Variants in PPA1 observed in about 807,000 individuals in gnomAD.
PPA1 encodes the protein inorganic pyrophosphatase 1.
In PPA1, 23 loss-of-function variants were observed where a neutral mutation model predicts 41.8. The observed-to-expected ratio is 0.55, with a 90% confidence interval of 0.40 to 0.78. The LOEUF (loss-of-function observed/expected upper bound fraction) is 0.78. Ranked by LOEUF, PPA1 falls within the 30% of genes least tolerant of loss-of-function variation. The pLI is 0.00. For synonymous variants in PPA1, 101 were observed against 116.8 expected (o/e 0.86, Z 0.87); for missense variants, 320 against 361.6 (o/e 0.89, Z 0.93).
chr10:70,203,245 T>A, intron 10 of PPA1, 59 bp from the exon 11 acceptor site: 1 of 1,393,548 alleles, frequency 7.2e-7, no homozygotes, highest in Non-Finnish European at 1.0e-6. Flanking sequence ...AAAATACACC[T>A]AACATATAAC....
At chr10:70,217,399 G>C (rs1273710079) in intron 4 of PPA1, among the ~76,000 whole-genome samples, 1 of 152,140 alleles carries the variant, frequency 6.6e-6, no homozygotes, top group Non-Finnish European at 1.5e-5. Context: ...CAAGGAGAAA[G>C]AAAGGGAGGC....
intron 2 of PPA1, 85 bp downstream of exon 2, chr10:70,230,256 T>C: frequency 1.4e-6 from 2 of 1,478,436 alleles, no homozygotes; most frequent in Non-Finnish European, 1.9e-6. Flanking sequence ...TTTTAAGCAC[T>C]TGTTGAGAGA....
At chr10:70,222,981 C>T (rs1840192001) in intron 2 of PPA1, among the ~76,000 whole-genome samples, 1 of 151,992 alleles carries the variant, frequency 6.6e-6, no homozygotes, top group African/African-American at 2.4e-5. Flanking sequence ...TGGTTTCCAG[C>T]TTCATCCATG....
intron 1 of PPA1, 148 bp downstream of exon 1, chr10:70,233,116 A>G: frequency 2.3e-6 from 2 of 878,356 alleles, no homozygotes; most frequent in Non-Finnish European, 3.2e-6. Flanking sequence ...ATGCAATGTG[A>G]GGCCGGCCAG....
intron 2 of PPA1, among the ~76,000 whole-genome samples, chr10:70,220,253 CTTTTT>C (rs33951004): frequency 2.5e-5 from 3 of 119,908 alleles, no homozygotes; most frequent in Non-Finnish European, 5.1e-5. Context: ...ATAAAAAGTA[CTTTTT>C]TTTTTTTTTT....
chr10:70,218,045 T>C, intron 3 of PPA1, 114 bp from the exon 4 acceptor site: 5 of 981,502 alleles, frequency 5.1e-6, no homozygotes, highest in Non-Finnish European at 7.1e-6. Context: ...TTTAATGATA[T>C]ATTTTATCCC....
chr10:70,217,686 C>T, intron 4 of PPA1, 126 bp downstream of exon 4: 3 of 765,118 alleles, frequency 3.9e-6, no homozygotes, highest in Non-Finnish European at 5.8e-6. Flanking sequence ...ATTATCCCTT[C>T]TTATGTTTTC....
chr10:70,223,004 A>T (rs1226269119), intron 2 of PPA1, among the ~76,000 whole-genome samples: 2 of 152,048 alleles, frequency 1.3e-5, no homozygotes, highest in Non-Finnish European at 2.9e-5. Context: ...CCTACAAAGG[A>T]CATGAACTCA....
chr10:70,207,993 C>T (rs1329409227), intron 8 of PPA1, among the ~76,000 whole-genome samples: 1 of 152,004 alleles, frequency 6.6e-6, no homozygotes, highest in East Asian at 1.9e-4. Context: ...GGTTCGAGAC[C>T]AGCCTGGTTA....
At chr10:70,214,479 A>G in intron 5 of PPA1, 21 bp downstream of exon 5, 1 of 1,596,212 alleles carries the variant, frequency 6.3e-7, no homozygotes. Context: ...CACTAAAGAA[A>G]AAAATGTCAC....
intron 8 of PPA1, 92 bp downstream of exon 8, chr10:70,209,113 G>T: frequency 1.1e-6 from 1 of 880,326 alleles, no homozygotes; most frequent in Non-Finnish European, 1.7e-6. Context: ...TTTTCTAAGT[G>T]AAAGTAACAG....
intron 10 of PPA1, chr10:70,203,521 A>C: frequency 4.4e-6 from 1 of 227,182 alleles, no homozygotes; most frequent in South Asian, 6.8e-5. Context: ...CTCGTGCCTC[A>C]GTCTCCCCAG....
chr10:70,216,028 GT>G (rs1190777824), intron 4 of PPA1, among the ~76,000 whole-genome samples: 9 of 152,134 alleles, frequency 5.9e-5, no homozygotes, highest in Non-Finnish European at 1.5e-5. Context: ...AGATTTGTTT[GT>G]CTACTCAGCT....
At chr10:70,207,740 A>G (rs1839962875) in intron 8 of PPA1, among the ~76,000 whole-genome samples, 1 of 152,234 alleles carries the variant, frequency 6.6e-6, no homozygotes, top group Non-Finnish European at 1.5e-5. Flanking sequence ...AGTCGTGTAT[A>G]TAATACAATC....
chr10:70,206,834 CTGCGT>C (rs1271133150), intron 8 of PPA1, among the ~76,000 whole-genome samples: 1 of 114,134 alleles, frequency 8.8e-6, no homozygotes, highest in Non-Finnish European at 1.7e-5. Flanking sequence ...CAGAGCAAGA[CTGCGT>C]TGCAATAAGG....
At chr10:70,209,762 G>C (rs1358317929) in intron 6 of PPA1, 77 bp from the exon 7 acceptor site, 1 of 1,455,778 alleles carries the variant, frequency 6.9e-7, no homozygotes, top group Non-Finnish European at 9.4e-7. Flanking sequence ...CAGATTTCAA[G>C]ATGCACAAAT....
chr10:70,214,664 C>T (rs1678459141), intron 4 of PPA1, 78 bp from the exon 5 acceptor site: 2 of 1,139,584 alleles, frequency 1.8e-6, no homozygotes, highest in Non-Finnish European at 2.6e-6. Flanking sequence ...AGATAACATC[C>T]TATGACTCTT....
intron 2 of PPA1, among the ~76,000 whole-genome samples, chr10:70,221,076 A>ATATATATATATTTTT (rs1224550178): frequency 2.5e-5 from 1 of 40,028 alleles, no homozygotes; most frequent in African/African-American, 2.0e-4. Context: ...ATATATATAT[A>ATATATATATATTTTT]TTTTTTTTTT....
chr10:70,221,068 A>AATATATATATATAAAT (rs1472749958), intron 2 of PPA1, among the ~76,000 whole-genome samples: 1 of 16,078 alleles, frequency 6.2e-5, no homozygotes, highest in African/African-American at 4.6e-4. Context: ...TTATATATAT[A>AATATATATATATAAAT]TATATATATT....
Sources: gnomAD v4.1 joint callset for allele counts (sites outside exome capture counted in the v4.1 genomes callset) on GRCh38, gnomAD v4.1.1 for gene constraint, MANE v1.5 for transcripts, NCBI Gene and HGNC (gene_info 2026-07-23, HGNC 2026-07-21) for gene names.